Variants in TJP1 observed in about 807,000 individuals in gnomAD.
The protein encoded by TJP1 is tight junction protein 1, also known as tight junction protein ZO-1.
In TJP1, 43 loss-of-function variants were observed where a neutral mutation model predicts 194.2. The observed-to-expected ratio is 0.22, with a 90% CI of 0.17 to 0.29. The LOEUF (loss-of-function observed/expected upper bound fraction) is 0.29, where lower values mean the gene tolerates loss of function less well. TJP1 is among the 10% of genes least tolerant of loss of function. TJP1 has a pLI of 1.00. For missense variants in TJP1, 1,971 were observed against 2,185.7 expected (o/e 0.90, Z 1.96); for synonymous variants, 801 against 779.0 (o/e 1.03, Z -0.47).
At chr15:29,739,790 T>TA (rs2044276031) in intron 10 of TJP1, among the ~76,000 whole-genome samples, 4 of 151,822 alleles carry the variant, frequency 2.6e-5, no homozygotes, top group Non-Finnish European at 5.9e-5. Context: ...CTCAAACACT[T>TA]ACACAAGTTT....
chr15:29,728,019 T>C lies in TJP1; in HGVS notation c.2018A>G (p.Lys673Arg), dbSNP rs763325497. 3.7e-6 allele frequency: 6 copies of C among 1,613,904 alleles called. No homozygotes were observed. The Admixed American group carries it at 1.0e-4, about 27-fold the overall frequency. Residue 673 changes from lysine (K) to arginine (R), a missense_variant and splice_region_variant, in exon 16 of 28, where the codon AAG (lysine) becomes AGG (arginine). This residue lies in a region of TJP1 where 402 missense variants were observed against 484.2 expected (regional missense o/e 0.83). Coordinates refer to ENST00000614355, the MANE Select transcript of TJP1 (RefSeq NM_001330239.4). ...REEPDIYQIA[K>R]SEPRDAGTDQ... ...AGTTCCAGCGTCTCGTGGTTCACTC[T>C]CTATTCATTATGTCAGGACAAAAAT...
intron 2 of TJP1, among the ~76,000 whole-genome samples, chr15:29,798,386 T>C (rs1430114358): frequency 6.6e-6 from 1 of 152,156 alleles, no homozygotes; most frequent in Non-Finnish European, 1.5e-5. Flanking sequence ...TTTGGGAATA[T>C]TTGCGTTATA....
At chr15:29,886,551 C>T (rs2152144117) in intron 2 of TJP1, among the ~76,000 whole-genome samples, 1 of 151,198 alleles carries the variant, frequency 6.6e-6, no homozygotes, top group Admixed American at 6.6e-5. Context: ...TATGACTGTG[C>T]CTGTGACTGG....
intron 8 of TJP1, among the ~76,000 whole-genome samples, chr15:29,746,847 G>A (rs1033726045): frequency 6.6e-6 from 1 of 151,924 alleles, no homozygotes; most frequent in East Asian, 1.9e-4. Flanking sequence ...ATTCTGTGGA[G>A]GTGTATTCTA....
Position 29,718,893 on chromosome 15 carries a change from G to A in TJP1, c.3249C>T (p.Arg1083=), listed in dbSNP as rs190731791. ...ACCACTGTTCTTCATACATGGGGAC[G>A]CGATCTTCGTATCGCAGACGATGTT... ...NYEHRLRYED[R]VPMYEEQWSY... Residue 1083 remains arginine (R), a synonymous_variant, in exon 21 of 28, where the codon CGC becomes CGT. Transcript: ENST00000614355. 1.1e-4 allele frequency: 170 copies of A among 1,614,178 alleles called. No homozygotes were observed. In the African/African-American group the frequency reaches 2.1e-3, roughly 19 times the overall value.
chr15:29,968,589 G>A, intron 1 of TJP1: 1 of 897,302 alleles, frequency 1.1e-6, no homozygotes, highest in Non-Finnish European at 1.3e-6. Context: ...CCCGGCCGCC[G>A]CTCGCTCTCC....
intron 2 of TJP1, among the ~76,000 whole-genome samples, chr15:29,894,017 C>A (rs953230278): frequency 1.3e-5 from 2 of 152,118 alleles, no homozygotes; most frequent in Admixed American, 1.3e-4. Flanking sequence ...TAGATTTTTA[C>A]ACAAAAGGTT....
intron 2 of TJP1, among the ~76,000 whole-genome samples, chr15:29,862,416 AT>A: frequency 6.6e-6 from 1 of 152,172 alleles, no homozygotes; most frequent in East Asian, 1.9e-4. Context: ...CTGCCTGGTG[AT>A]TTAAGCTAAG....
chr15:29,852,168 G>A (rs2051667647), intron 2 of TJP1, among the ~76,000 whole-genome samples: 1 of 152,208 alleles, frequency 6.6e-6, no homozygotes, highest in Non-Finnish European at 1.5e-5. Flanking sequence ...CTAAAGAGCT[G>A]TGATGAGGAT....
chr15:29,704,568 T>A (rs2041771930), intron 26 of TJP1, among the ~76,000 whole-genome samples: 1 of 152,232 alleles, frequency 6.6e-6, no homozygotes, highest in African/African-American at 2.4e-5. Context: ...ACGAAAACAC[T>A]GTTATTTCAA....
Position 29,723,507 on chromosome 15 carries a change from G to A in TJP1, c.2413-2799C>T, listed in dbSNP as rs572837431. On this transcript the variant is annotated intron_variant, in intron 18 of 27. Transcript: ENST00000614355. ...GCCTGTACAGCCCACAGAACTGTGA[G>A]CCAATTAAATCTCTTTTCTTTATAA... is the stretch of plus-strand genomic sequence containing the variant. Among the ~76,000 whole-genome samples, 93 of 152,284 alleles carry A rather than the reference G, an allele frequency of 6.1e-4. 1 individual carries two copies. The highest frequency in any genetic ancestry group is 1.1e-3 in the Non-Finnish European group (75 of 68,036).
chr15:29,772,583 GT>G (rs1190117678), intron 3 of TJP1, among the ~76,000 whole-genome samples: 1 of 151,984 alleles, frequency 6.6e-6, no homozygotes, highest in Non-Finnish European at 1.5e-5. Flanking sequence ...TGTATTTTGT[GT>G]TTCTCTTTAT....
chr15:29,919,654 C>G (rs1455728635), intron 2 of TJP1, among the ~76,000 whole-genome samples: 1 of 152,036 alleles, frequency 6.6e-6, no homozygotes, highest in Non-Finnish European at 1.5e-5. Flanking sequence ...GGGAGAGAGC[C>G]CTGGGCATTT....
Position 29,718,911 on chromosome 15 carries a change from A to G in TJP1, c.3231T>C (p.Arg1077=), listed in dbSNP as rs1441018698. The G allele has an allele frequency of 2.5e-6, 4 of 1,614,206 alleles. No individual in the cohort carries two copies. The highest frequency in any genetic ancestry group is 3.4e-6 in the Non-Finnish European group (4 of 1,180,038). The change falls in exon 21 of 28, where the codon CGT becomes CGC. Residue 1077 remains arginine (R), a synonymous_variant. Coordinates refer to ENST00000614355, the MANE Select transcript of TJP1 (RefSeq NM_001330239.4). ...TDQFSRNYEH[R]LRYEDRVPMY... ...TGGGGACGCGATCTTCGTATCGCAG[A>G]CGATGTTCATAGTTTCGAGAAAACT...
chr15:29,717,337 A>G lies in TJP1; in HGVS notation c.3975-499T>C, dbSNP rs369705173. Among the ~76,000 whole-genome samples the G allele has an allele frequency of 1.8e-4, 28 of 152,378 alleles. No individual in the cohort carries two copies. The East Asian group carries it at 4.8e-3, about 26-fold the overall frequency. On this transcript the variant is annotated intron_variant, in intron 22 of 27. Transcript: ENST00000614355. ...AGATGAGGAAGAAAGCAAGTCATTA[A>G]GTAAATTCATATTAGACAGTTCTCT...
intron 2 of TJP1, among the ~76,000 whole-genome samples, chr15:29,950,085 T>C (rs898775382): frequency 0.026 from 43 of 1,650 alleles, no homozygotes; most frequent in Admixed American, 0.056. Context: ...ACCACCACCA[T>C]CTTCACCACC....
At chr15:29,734,488 C>CT (rs11398830) in intron 11 of TJP1, 106 bp from the exon 12 acceptor site, 308,154 of 556,100 alleles carry the variant, frequency 0.55, 49,854 homozygotes, top group Admixed American at 0.67. Context: ...AATATCACAT[C>CT]TTTTTTTTTT....
intron 11 of TJP1, among the ~76,000 whole-genome samples, chr15:29,736,903 C>A (rs1460339704): frequency 1.3e-5 from 2 of 152,128 alleles, no homozygotes; most frequent in African/African-American, 4.8e-5. Context: ...AAGTTGTGGC[C>A]CATGGCAGAG....
chr15:29,949,701 C>G (rs2055556091), intron 2 of TJP1, among the ~76,000 whole-genome samples: 1 of 123,318 alleles, frequency 8.1e-6, no homozygotes, highest in Non-Finnish European at 1.7e-5. Flanking sequence ...ACCTCCACCA[C>G]CACCACCTCC....
Sources: gnomAD v4.1 joint callset for allele counts (sites outside exome capture counted in the v4.1 genomes callset) on GRCh38, gnomAD v4.1.1 for gene constraint, gnomAD v4.1.1 regional missense constraint, MANE v1.5 for transcripts, NCBI Gene and HGNC (gene_info 2026-07-23, HGNC 2026-07-21) for gene names.